TSC22D3: variants seen among roughly 807,000 people sequenced by gnomAD.
TSC22D3 encodes the protein TSC22 domain family member 3, also known as TSC22 domain family protein 3.
Under a neutral mutation model 11.1 loss-of-function variants are expected in TSC22D3, and 4 were observed. The observed-to-expected ratio is 0.36, with a 90% CI of 0.18 to 0.83. TSC22D3 has a LOEUF of 0.83. Among genes scored for constraint, TSC22D3 ranks in the 40% least tolerant of loss-of-function variants. TSC22D3 has a pLI of 0.48. For missense variants in TSC22D3, 118 were observed against 159.4 expected (o/e 0.74, Z 1.40); for synonymous variants, 77 against 70.3 (o/e 1.10, Z -0.48).
intron 1 of TSC22D3, chrX:107,716,777 A>C: frequency 8.3e-7 from 1 of 1,209,550 alleles, no homozygotes; most frequent in Non-Finnish European, 1.1e-6. Flanking sequence ...GTAGACCGCC[A>C]CCTCCATGGG....
chrX:107,734,097 C>G (rs931652287), intron 1 of TSC22D3, among the ~76,000 whole-genome samples: 16 of 112,019 alleles, frequency 1.4e-4, no homozygotes, highest in African/African-American at 4.5e-4. Flanking sequence ...CAGTCTGGGG[C>G]ATCCTCTAAA....
intron 1 of TSC22D3, among the ~76,000 whole-genome samples, chrX:107,736,672 G>C (rs911256563): frequency 9.0e-6 from 1 of 111,032 alleles, no homozygotes. Flanking sequence ...TCCAACCATC[G>C]TCTTTCGGTC....
chrX:107,729,313 G>A (rs751791853), intron 1 of TSC22D3, among the ~76,000 whole-genome samples: 4 of 111,464 alleles, frequency 3.6e-5, no homozygotes, highest in Non-Finnish European at 5.7e-5. Flanking sequence ...TGGGGTTGAT[G>A]GATTCTCCTT....
intron 1 of TSC22D3, among the ~76,000 whole-genome samples, chrX:107,731,073 A>G (rs1295161362): frequency 2.7e-5 from 3 of 112,815 alleles, no homozygotes; most frequent in Non-Finnish European, 5.6e-5. Context: ...TCTCAGTCAG[A>G]TCACAGGGGC....
chrX:107,747,476 C>T (rs1928724661), intron 1 of TSC22D3, among the ~76,000 whole-genome samples: 1 of 112,627 alleles, frequency 8.9e-6, no homozygotes, highest in African/African-American at 3.2e-5. Context: ...GAAAACCTAG[C>T]GACCAGTGAG....
chrX:107,753,465 T>C (rs1246035201), intron 1 of TSC22D3, among the ~76,000 whole-genome samples: 1 of 111,270 alleles, frequency 9.0e-6, no homozygotes, highest in Admixed American at 9.6e-5. Flanking sequence ...TCAGATGAAT[T>C]GCGCCACCAC....
chrX:107,738,586 A>G (rs909579244), intron 1 of TSC22D3, among the ~76,000 whole-genome samples: 1 of 112,858 alleles, frequency 8.9e-6, no homozygotes, highest in Non-Finnish European at 1.9e-5. Flanking sequence ...ACTAGTTTTC[A>G]TGGGCGAGAT....
At chrX:107,766,167 G>A (rs1037989472) in intron 1 of TSC22D3, among the ~76,000 whole-genome samples, 1 of 111,864 alleles carries the variant, frequency 8.9e-6, no homozygotes, top group African/African-American at 3.3e-5. Flanking sequence ...TAGATTGATG[G>A]GGGTATTCTG....
intron 1 of TSC22D3, among the ~76,000 whole-genome samples, chrX:107,736,819 G>A (rs1255246732): frequency 9.0e-6 from 1 of 111,292 alleles, no homozygotes; most frequent in Non-Finnish European, 1.9e-5. Flanking sequence ...GAGAGGCCTG[G>A]AACCACCCAC....
At chrX:107,763,188 T>C (rs1241260441) in intron 1 of TSC22D3, among the ~76,000 whole-genome samples, 1 of 111,763 alleles carries the variant, frequency 8.9e-6, no homozygotes, top group Non-Finnish European at 1.9e-5. Flanking sequence ...CTGACCTCTC[T>C]TCTTGCTCTC....
intron 1 of TSC22D3, among the ~76,000 whole-genome samples, chrX:107,726,138 T>G (rs1187615311): frequency 8.9e-6 from 1 of 111,806 alleles, no homozygotes; most frequent in Non-Finnish European, 1.9e-5. Context: ...CCCATTCCAT[T>G]GCTTGTGAGC....
chrX:107,743,754 C>A (rs765071152), intron 1 of TSC22D3, among the ~76,000 whole-genome samples: 5 of 112,246 alleles, frequency 4.5e-5, no homozygotes, highest in Non-Finnish European at 9.4e-5. Context: ...CTAGAGTGCT[C>A]TTCCTACCCA....
intron 1 of TSC22D3, among the ~76,000 whole-genome samples, chrX:107,754,423 T>G (rs892565921): frequency 3.6e-5 from 4 of 111,871 alleles, no homozygotes; most frequent in African/African-American, 9.8e-5. Flanking sequence ...AAAGTGATCC[T>G]GCACCCCAGA....
chrX:107,719,767 C>T (rs1927235295), intron 1 of TSC22D3, among the ~76,000 whole-genome samples: 1 of 111,436 alleles, frequency 9.0e-6, no homozygotes, highest in South Asian at 3.8e-4. Context: ...GAAGCAGCAG[C>T]CCTACTATTA....
intron 1 of TSC22D3, among the ~76,000 whole-genome samples, chrX:107,733,099 CAAAA>C (rs11313485): frequency 7.3e-5 from 4 of 54,688 alleles, no homozygotes; most frequent in Non-Finnish European, 8.0e-5. Flanking sequence ...GACCCTGTCT[CAAAA>C]AAAAAAAAAA....
intron 1 of TSC22D3, among the ~76,000 whole-genome samples, chrX:107,756,593 G>C (rs1265113640): frequency 8.9e-6 from 1 of 112,265 alleles, no homozygotes; most frequent in Non-Finnish European, 1.9e-5. Flanking sequence ...CAAATGGCCA[G>C]GATACAGTCC....
In TSC22D3 at chrX:107,775,235, G is replaced by A. The variant is rs772957930; in HGVS notation, c.185C>T (p.Thr62Ile). 3 of 1,212,147 alleles carry A rather than the reference G, an allele frequency of 2.5e-6. No individual in the cohort carries two copies. The highest frequency in any genetic ancestry group is 5.9e-5 in the East Asian group (2 of 33,843). Residue 62 changes from threonine to isoleucine, a missense_variant, in exon 1 of 3, where the codon ACC becomes ATC. By Grantham distance (89) the Thr-to-Ile change is moderately conservative (BLOSUM62 -1). Coordinates refer to ENST00000372383, the MANE Select transcript of TSC22D3 (RefSeq NM_198057.3). ...CCGCATTATGCTGTTGAGCTTGTCGGTATTGAGGTTCTCAAAGACCAGCTT... is the reference window on the plus strand; with the variant it reads ...CCGCATTATGCTGTTGAGCTTGTCGATATTGAGGTTCTCAAAGACCAGCTT... ...QEKLVFENLNTDKLNSIMRQD... is the reference protein window; with the variant it reads ...QEKLVFENLNIDKLNSIMRQD...
chrX:107,773,794 A>T (rs980645929), intron 1 of TSC22D3, among the ~76,000 whole-genome samples: 4 of 111,417 alleles, frequency 3.6e-5, no homozygotes, highest in African/African-American at 1.3e-4. Flanking sequence ...GCGATGGTGG[A>T]TTTGTCTTGG....
chrX:107,772,971 C>T (rs768098580), intron 1 of TSC22D3, among the ~76,000 whole-genome samples: 4 of 112,953 alleles, frequency 3.5e-5, no homozygotes, highest in African/African-American at 1.3e-4. Flanking sequence ...TGAGAGCTTG[C>T]TGGTTAGCTC....
Sources: gnomAD v4.1 joint callset for allele counts (sites outside exome capture counted in the v4.1 genomes callset) on GRCh38, gnomAD v4.1.1 for gene constraint, MANE v1.5 for transcripts, NCBI Gene and HGNC (gene_info 2026-07-23, HGNC 2026-07-21) for gene names.